The following NRG4 variants were observed in gnomAD, a reference collection of about 807,000 sequenced individuals.
NRG4 encodes pro-neuregulin-4, membrane-bound isoform.
A neutral mutation model predicts 15.0 loss-of-function variants in NRG4; 10 were observed. The ratio of observed to expected loss-of-function variants is 0.67; its 90% CI spans 0.41 to 1.13. NRG4 has a LOEUF of 1.13. NRG4 is among the 50% of genes most tolerant of loss of function. The pLI is 0.00. For synonymous variants in NRG4, 41 were observed against 50.1 expected (o/e 0.82, Z 0.77); for missense variants, 139 against 140.2 (o/e 0.99, Z 0.04).
chr15:76,034,096 A>T (rs961032163), intron 5 of NRG4, among the ~76,000 whole-genome samples: 1 of 152,218 alleles, frequency 6.6e-6, no homozygotes, highest in African/African-American at 2.4e-5. Context: ...CAATTACTGC[A>T]AACAGCTTTA....
At chr15:75,988,853 C>CTTTTTT (rs71444946) in intron 3 of NRG4, among the ~76,000 whole-genome samples, 5 of 109,652 alleles carry the variant, frequency 4.6e-5, no homozygotes, top group East Asian at 2.5e-4. Context: ...CTGCACCTTC[C>CTTTTTT]TTTTTTTTTT....
At chr15:75,964,963 C>A (rs1874956) in intron 3 of NRG4, among the ~76,000 whole-genome samples, 9,451 of 151,782 alleles carry the variant, frequency 0.062, 611 homozygotes, top group African/African-American at 0.17. Flanking sequence ...CAGTGCCTCC[C>A]GCCTGTAATC....
At chr15:75,967,597 G>A (rs1226041485) in intron 3 of NRG4, among the ~76,000 whole-genome samples, 11 of 151,540 alleles carry the variant, frequency 7.3e-5, no homozygotes, top group Non-Finnish European at 1.5e-4. Flanking sequence ...GAGTAGCTGG[G>A]ACCACAGGTG....
Position 75,961,909 on chromosome 15 carries a change from G to A in NRG4, c.170C>T (p.Thr57Ile). ...AAAAGCTTCAAACAGGTTACTTTTA[G>A]TTTGGATGCTGGAGCCTGGGAGAAA... is the stretch of plus-strand genomic sequence containing the variant. ...EVFLPGSSIQ[T>I]KSNLFEAFVA... is the part of the protein sequence containing the mutation. The change falls in exon 4 of 6, where the codon ACT becomes ATT. Residue 57 changes from threonine (T) to isoleucine (I), a missense_variant. Physicochemically the swap from Thr to Ile is moderately conservative, Grantham distance 89. Coordinates refer to ENST00000394907, the MANE Select transcript of NRG4 (RefSeq NM_138573.4). 1 of 1,613,540 alleles carries A rather than the reference G, an allele frequency of 6.2e-7. No individual in the cohort carries two copies. Among genetic ancestry groups the A allele is most frequent in the East Asian group, 2.2e-5 (1 of 44,850 alleles).
At chr15:76,058,461 T>C (rs2036208818) in intron 1 of NRG4, among the ~76,000 whole-genome samples, 1 of 152,152 alleles carries the variant, frequency 6.6e-6, no homozygotes. Flanking sequence ...CCTGTATAGA[T>C]ATTCCCGTAT....
upstream of NRG4, among the ~76,000 whole-genome samples, chr15:76,016,534 G>A (rs1419640297): frequency 2.0e-5 from 3 of 152,116 alleles, no homozygotes; most frequent in Non-Finnish European, 2.9e-5. Context: ...CTGGTACATT[G>A]TTTCTTTGTT....
intron 4 of NRG4, among the ~76,000 whole-genome samples, chr15:76,050,725 T>C (rs969224139): frequency 6.8e-6 from 1 of 147,138 alleles, no homozygotes; most frequent in African/African-American, 2.6e-5. Context: ...ATTACAGGCG[T>C]AAGCCACCGT....
chr15:75,984,105 T>C (rs572913872), intron 3 of NRG4, among the ~76,000 whole-genome samples: 129 of 152,232 alleles, frequency 8.5e-4, no homozygotes, highest in African/African-American at 2.8e-3. Context: ...CCTGGTATGA[T>C]AGTATAATGG....
intron 4 of NRG4, among the ~76,000 whole-genome samples, chr15:76,051,725 G>T (rs2036024411): frequency 1.3e-5 from 2 of 150,012 alleles, no homozygotes; most frequent in South Asian, 4.2e-4. Flanking sequence ...CACCACGCCT[G>T]GCTAATCTTT....
intron 2 of NRG4, among the ~76,000 whole-genome samples, chr15:76,053,728 G>A (rs1298502831): frequency 1.3e-5 from 2 of 150,320 alleles, no homozygotes; most frequent in South Asian, 2.1e-4. Flanking sequence ...GCTAAGTTTT[G>A]TATTTTTAGT....
In NRG4 at chr15:75,977,063, C is replaced by T. The variant is rs10152481; in HGVS notation, c.105-15089G>A. Among the ~76,000 whole-genome samples the T allele has an allele frequency of 0.015, 2,323 of 152,252 alleles. 68 individuals carry two copies. Among genetic ancestry groups the T allele is most frequent in the African/African-American group, 0.053 (2,182 of 41,546 alleles). On this transcript the variant is annotated intron_variant, in intron 3 of 5. Coordinates refer to ENST00000394907, the MANE Select transcript of NRG4 (RefSeq NM_138573.4). The surrounding 1 kb of genome is among the most constrained non-coding windows in gnomAD (Gnocchi z 4.9). ...GAATCTAGAGAGGCAGTCTGGGTACCGCCGCTTTGTGGCACTGTGGTGGGC... is the reference window on the plus strand; with the variant it reads ...GAATCTAGAGAGGCAGTCTGGGTACTGCCGCTTTGTGGCACTGTGGTGGGC...
chr15:76,040,306 T>C (rs1380292132), intron 4 of NRG4, among the ~76,000 whole-genome samples: 1 of 152,072 alleles, frequency 6.6e-6, no homozygotes, highest in Non-Finnish European at 1.5e-5. Flanking sequence ...TACCCTAGAA[T>C]AGTATAATGT....
At chr15:75,986,379 G>A (rs79742984) in intron 3 of NRG4, among the ~76,000 whole-genome samples, 2,453 of 152,202 alleles carry the variant, frequency 0.016, 64 homozygotes, top group African/African-American at 0.055. Context: ...GTTAATTGTT[G>A]TATTTGTATT....
intron 3 of NRG4, among the ~76,000 whole-genome samples, chr15:75,989,987 A>G (rs1280132402): frequency 6.6e-6 from 1 of 152,176 alleles, no homozygotes; most frequent in African/African-American, 2.4e-5. Context: ...ATTTAGGCCG[A>G]CTTTCGCTCT....
At chr15:76,018,324 T>C (rs1198907519) in intron 5 of NRG4, among the ~76,000 whole-genome samples, 1 of 152,194 alleles carries the variant, frequency 6.6e-6, no homozygotes, top group Non-Finnish European at 1.5e-5. Flanking sequence ...GAAGCCTAAT[T>C]CTGTCGATTT....
intron 5 of NRG4, among the ~76,000 whole-genome samples, chr15:75,951,315 C>T (rs1300638608): frequency 1.3e-5 from 2 of 151,622 alleles, no homozygotes; most frequent in African/African-American, 4.8e-5. Flanking sequence ...TTACAGGCGC[C>T]TGCCACCACG....
Position 76,011,210 on chromosome 15 carries a change from T to C in NRG4, c.10+11A>G. On this transcript the variant is annotated intron_variant, in intron 2 of 5. Transcript: ENST00000394907. The stretch of plus-strand genomic sequence containing the variant: ...ATATTGACAAAAACATATAAATATA[T>C]AAGAAATTACCTGTTGGCATCTTAA... 7.0e-7 allele frequency: 1 copy of C among 1,433,190 alleles called. No homozygotes were observed. Among genetic ancestry groups the C allele is most frequent in the Non-Finnish European group, 9.2e-7 (1 of 1,082,556 alleles). 88.8% of individuals were successfully genotyped at this position (1,433,190 alleles called of 1,614,324 possible). A position where few individuals can be genotyped will look rare whatever the true frequency, so the allele number is the denominator to read the frequency against.
intron 5 of NRG4, among the ~76,000 whole-genome samples, chr15:75,947,779 A>G (rs985035785): frequency 1.3e-5 from 2 of 152,140 alleles, no homozygotes; most frequent in African/African-American, 4.8e-5. Context: ...AAGGGTTCCA[A>G]TTTCTACGTG....
At position 75,942,798 on chromosome 15, in the gene NRG4, C is replaced by A. The variant is rs1254753641; in HGVS notation, c.*840G>T. 3 of 145,966 alleles carry A rather than the reference C, an allele frequency of 2.1e-5. No homozygotes were observed. Among genetic ancestry groups the A allele is most frequent in the African/African-American group, 8.5e-5 (3 of 35,500 alleles). 9.0% of individuals were successfully genotyped at this position (145,966 alleles called of 1,614,324 possible). On this transcript the variant is annotated 3_prime_UTR_variant, in exon 6 of 6. Coordinates refer to ENST00000394907, the MANE Select transcript of NRG4 (RefSeq NM_138573.4). ...CTCCAAGACTTTATTTTCATACTTCCTTAAAGTTACTATTGCTTTTTTTTC... is the reference window on the plus strand; with the variant it reads ...CTCCAAGACTTTATTTTCATACTTCATTAAAGTTACTATTGCTTTTTTTTC...
Sources: gnomAD v4.1 joint callset for allele counts (sites outside exome capture counted in the v4.1 genomes callset) on GRCh38, gnomAD v4.1.1 for gene constraint, Gnocchi (gnomAD v3.1) non-coding constraint, MANE v1.5 for transcripts, NCBI Gene and HGNC (gene_info 2026-07-23, HGNC 2026-07-21) for gene names.